The following HHAT variants were observed in gnomAD, a reference collection of about 807,000 sequenced individuals.
The protein encoded by HHAT is hedgehog acyltransferase, also known as protein-cysteine N-palmitoyltransferase HHAT.
A neutral mutation model predicts 70.8 loss-of-function variants in HHAT; 47 were observed. The ratio of observed to expected loss-of-function variants is 0.66; its 90% confidence interval spans 0.53 to 0.85. The LOEUF is 0.85. Among genes scored for constraint, HHAT ranks in the 40% least tolerant of loss-of-function variants. The pLI, the probability that HHAT is intolerant of heterozygous loss-of-function variation, is 0.00. For synonymous variants in HHAT, 228 were observed against 247.6 expected (o/e 0.92, Z 0.74); for missense variants, 609 against 604.8 (o/e 1.01, Z -0.07).
chr1:210,663,200 C>T (rs1214375570), intron 11 of HHAT, among the ~76,000 whole-genome samples: 1 of 152,150 alleles, frequency 6.6e-6, no homozygotes, highest in Admixed American at 6.5e-5. Flanking sequence ...CCCACCACAG[C>T]GACAAGAAAG....
intron 6 of HHAT, among the ~76,000 whole-genome samples, chr1:210,413,713 C>G (rs183655968): frequency 1.3e-5 from 2 of 152,318 alleles, no homozygotes; most frequent in East Asian, 3.9e-4. Context: ...CCATGTTTCT[C>G]TTGTCTAAGA....
chr1:210,632,726 G>A lies in HHAT; in HGVS notation c.1390+9056G>A, dbSNP rs1431995160. On this transcript the variant is annotated intron_variant, in intron 11 of 11. Coordinates refer to ENST00000261458, the MANE Select transcript of HHAT (RefSeq NM_018194.6). Reference sequence around the variant, plus strand: ...TTTTCATTAAAAGGAAAACCTTACCGAGGACTTCCTCACTATCTGCCTAAA... The same window carrying A: ...TTTTCATTAAAAGGAAAACCTTACCAAGGACTTCCTCACTATCTGCCTAAA... Among the ~76,000 whole-genome samples, 6 of 152,208 alleles carry A rather than the reference G, an allele frequency of 3.9e-5. No homozygotes were observed. The East Asian group carries it at 1.2e-3, about 29-fold the overall frequency.
chr1:210,655,552 C>T (rs1011709769), intron 11 of HHAT, among the ~76,000 whole-genome samples: 2 of 152,310 alleles, frequency 1.3e-5, no homozygotes, highest in African/African-American at 4.8e-5. Context: ...AGCCTGGGCT[C>T]GGAGCACCCA....
intron 8 of HHAT, among the ~76,000 whole-genome samples, chr1:210,497,700 C>T (rs527840428): frequency 1.3e-5 from 2 of 151,814 alleles, no homozygotes; most frequent in East Asian, 3.9e-4. Flanking sequence ...TCAGTGGGCT[C>T]GCAGGTCTGT....
chr1:210,601,595 C>G (rs569863034), intron 10 of HHAT, among the ~76,000 whole-genome samples: 1 of 152,146 alleles, frequency 6.6e-6, no homozygotes, highest in East Asian at 1.9e-4. Context: ...AAAAAATTCT[C>G]AGCACCTTAT....
intron 3 of HHAT, among the ~76,000 whole-genome samples, chr1:210,365,170 T>G (rs2088787267): frequency 6.6e-6 from 1 of 152,168 alleles, no homozygotes; most frequent in Non-Finnish European, 1.5e-5. Context: ...ACATGCTATT[T>G]TGGTCCAAAT....
chr1:210,370,764 G>A (rs1381147487), intron 3 of HHAT, among the ~76,000 whole-genome samples: 3 of 151,830 alleles, frequency 2.0e-5, no homozygotes, highest in African/African-American at 7.3e-5. Flanking sequence ...ACAGGCATGT[G>A]CCACCATGCC....
At chr1:210,661,464 T>G (rs188466599) in intron 11 of HHAT, among the ~76,000 whole-genome samples, 2 of 152,334 alleles carry the variant, frequency 1.3e-5, no homozygotes, top group African/African-American at 4.8e-5. Context: ...GAGTGTAAAC[T>G]AGTTCAACCA....
Position 210,435,097 on chromosome 1 carries a change from C to T in HHAT, c.856+16772C>T, listed in dbSNP as rs1423120302. ...TCTGTCTTCTAAGTGTATATGTGTACCCATTAATCAACCTCTTTTCATCCT... is the reference window on the plus strand; with the variant it reads ...TCTGTCTTCTAAGTGTATATGTGTATCCATTAATCAACCTCTTTTCATCCT... On this transcript the variant is annotated intron_variant, in intron 7 of 11. Transcript: ENST00000261458. Among the ~76,000 whole-genome samples the T allele has an allele frequency of 3.3e-5, 5 of 151,790 alleles. No individual in the cohort carries two copies. The South Asian group carries it at 1.0e-3, about 31-fold the overall frequency.
chr1:210,420,298 A>T (rs1254954463), intron 7 of HHAT, among the ~76,000 whole-genome samples: 1 of 152,174 alleles, frequency 6.6e-6, no homozygotes, highest in Non-Finnish European at 1.5e-5. Context: ...TTTGAGAAGC[A>T]TTCATGTTAA....
chr1:210,480,091 GGT>G (rs1042551398), intron 8 of HHAT, among the ~76,000 whole-genome samples: 35 of 152,028 alleles, frequency 2.3e-4, no homozygotes, highest in African/African-American at 8.2e-4. Flanking sequence ...AGGCATTAAA[GGT>G]GTGTGTGTGT....
intron 10 of HHAT, among the ~76,000 whole-genome samples, chr1:210,618,604 C>T (rs1335876410): frequency 6.6e-6 from 1 of 152,210 alleles, no homozygotes; most frequent in African/African-American, 2.4e-5. Context: ...CAGCCTGTCC[C>T]CACCTCCCGT....
intron 9 of HHAT, among the ~76,000 whole-genome samples, chr1:210,525,212 C>T (rs1349489636): frequency 6.6e-6 from 1 of 152,098 alleles, no homozygotes; most frequent in Non-Finnish European, 1.5e-5. Context: ...CCTTGGATGT[C>T]AGCCCCTCTT....
chr1:210,381,411 G>C (rs2090625318), intron 3 of HHAT, among the ~76,000 whole-genome samples: 1 of 152,106 alleles, frequency 6.6e-6, no homozygotes. Flanking sequence ...CTCCCGAGTA[G>C]CTGAGATTGT....
At chr1:210,348,736 C>CATGTGTGT (rs143188292) in intron 1 of HHAT, among the ~76,000 whole-genome samples, 197 bp from the exon 2 acceptor site, 57 of 147,938 alleles carry the variant, frequency 3.9e-4, no homozygotes, top group Admixed American at 2.0e-4. Flanking sequence ...TGTATGTGTG[C>CATGTGTGT]GTGTGTGTGT....
chr1:210,368,965 C>A (rs2089284868), intron 3 of HHAT, among the ~76,000 whole-genome samples: 1 of 152,018 alleles, frequency 6.6e-6, no homozygotes. Context: ...ATAATCCCAA[C>A]TACTTGGGAG....
At position 210,349,059 on chromosome 1, in the gene HHAT, C is replaced by T; in HGVS notation, c.84C>T (p.Val28=). 1 of 1,613,974 alleles carries T rather than the reference C, an allele frequency of 6.2e-7. No individual in the cohort carries two copies. Among genetic ancestry groups the T allele is most frequent in the Non-Finnish European group, 8.5e-7 (1 of 1,179,996 alleles). The change falls in exon 2 of 12, where the codon GTC becomes GTT. Residue 28 remains valine (V), a synonymous_variant. Coordinates refer to ENST00000261458, the MANE Select transcript of HHAT (RefSeq NM_018194.6). ...ATTCCTTCTATGAAGTTTACAAAGT[C>T]TCCAGAGGTAAGGCCCCAAGCTTTT... ...HFYSFYEVYK[V]SREHEEELDQ...
chr1:210,650,012 T>C (rs1674807869), intron 11 of HHAT, among the ~76,000 whole-genome samples: 1 of 152,198 alleles, frequency 6.6e-6, no homozygotes, highest in South Asian at 2.1e-4. Flanking sequence ...TCAAAGAACA[T>C]TCTTGTCAGA....
chr1:210,504,888 C>T (rs1342474158), intron 8 of HHAT, among the ~76,000 whole-genome samples: 1 of 148,556 alleles, frequency 6.7e-6, no homozygotes, highest in Non-Finnish European at 1.5e-5. Context: ...ATGTTCCCGG[C>T]GTAGCTTTTT....
Sources: allele counts gnomAD v4.1 joint callset (sites outside exome capture counted in the v4.1 genomes callset), GRCh38; gene constraint gnomAD v4.1.1; transcripts MANE v1.5; gene names NCBI Gene and HGNC (gene_info 2026-07-23, HGNC 2026-07-21).